Variants in NPC1 observed in about 807,000 individuals in gnomAD.
The protein encoded by NPC1 is Niemann-Pick C1 protein.
Under a neutral mutation model 140.4 loss-of-function variants are expected in NPC1, and 85 were observed. The observed-to-expected ratio is 0.61, with a 90% confidence interval of 0.51 to 0.72. The LOEUF (loss-of-function observed/expected upper bound fraction) is 0.72, where lower values mean the gene tolerates loss of function less well. NPC1 is among the 30% of genes least tolerant of loss of function. The pLI is 0.00. For missense variants in NPC1, 1,504 were observed against 1,623.8 expected (o/e 0.93, Z 1.27); for synonymous variants, 656 against 624.8 (o/e 1.05, Z -0.74).
At chr18:23,522,880 G>GT (rs35822060) in exon 2 of NPC1, 80,269 of 152,094 alleles carry the variant, frequency 0.53, 21,787 homozygotes, top group East Asian at 0.91. Context: ...CTGCCACTGG[G>GT]TGGGCGTGCT....
intron 3 of NPC1, among the ~76,000 whole-genome samples, chr18:23,569,382 G>T (rs998122688): frequency 6.6e-6 from 1 of 152,154 alleles, no homozygotes; most frequent in Non-Finnish European, 1.5e-5. Context: ...GAGTGCAGTG[G>T]TGTGATCACA....
At chr18:23,552,512 T>C (rs532911345) in intron 9 of NPC1, among the ~76,000 whole-genome samples, 23 of 152,294 alleles carry the variant, frequency 1.5e-4, no homozygotes, top group African/African-American at 5.3e-4. Context: ...TGAGCTGTTT[T>C]ACAAAGATAG....
intron 21 of NPC1, 41 bp downstream of exon 21, chr18:23,536,632 C>T: frequency 6.4e-7 from 1 of 1,574,572 alleles, no homozygotes; most frequent in Non-Finnish European, 8.7e-7. Context: ...CAGTGTAGGC[C>T]CTTTGCTGGG....
chr18:23,512,388 A>G (rs2057885764), intron 3 of NPC1, among the ~76,000 whole-genome samples: 2 of 151,960 alleles, frequency 1.3e-5, no homozygotes, highest in African/African-American at 4.8e-5. Context: ...TATATTGTCC[A>G]TTTGTATTTT....
At chr18:23,520,220 A>G, downstream of NPC1, 1 of 1,613,890 alleles carries the variant, frequency 6.2e-7, no homozygotes, top group East Asian at 2.2e-5. Context: ...AATATTCGAT[A>G]TCAAGTTACG....
chr18:23,585,788 T>C (rs531005781), intron 1 of NPC1, among the ~76,000 whole-genome samples: 9 of 152,144 alleles, frequency 5.9e-5, no homozygotes, highest in Non-Finnish European at 1.3e-4. Flanking sequence ...CCTGCCCTCT[T>C]TAGAAGACCA....
intron 1 of NPC1, among the ~76,000 whole-genome samples, chr18:23,523,895 T>C (rs761998326): frequency 1.2e-4 from 18 of 152,330 alleles, no homozygotes; most frequent in Non-Finnish European, 2.2e-4. Flanking sequence ...ACCACAGTGA[T>C]TGAAGCCTTG....
chr18:23,564,616 C>T (rs2059095461), intron 4 of NPC1, among the ~76,000 whole-genome samples: 1 of 152,190 alleles, frequency 6.6e-6, no homozygotes, highest in African/African-American at 2.4e-5. Context: ...AGTCACTGTG[C>T]CCGGCCTTCT....
downstream of NPC1, chr18:23,520,249 C>G: frequency 6.2e-7 from 1 of 1,614,116 alleles, no homozygotes; most frequent in Non-Finnish European, 8.5e-7. Context: ...TTGACGGCTC[C>G]GTTACCTTCC....
At position 23,512,489 on chromosome 18, in the gene NPC1, C is replaced by T. The variant is rs539051571; in HGVS notation, c.432-5847G>A. Reference sequence around the variant, plus strand: ...AGGCTGGAGTACAGTGGCACAATCACGGCTCACTGCAGCCTCGACCTCCTA... The same window carrying T: ...AGGCTGGAGTACAGTGGCACAATCATGGCTCACTGCAGCCTCGACCTCCTA... On this transcript the variant is annotated intron_variant, in intron 3 of 3. Coordinates refer to the NPC1 transcript ENST00000591107. 9.2e-5 allele frequency among the ~76,000 whole-genome samples: 14 copies of T among 152,280 alleles called. No individual in the cohort carries two copies. In the East Asian group the frequency reaches 9.6e-4, roughly 10 times the overall value.
chr18:23,529,013 G>A (rs2058396394), downstream of NPC1: 8 of 1,107,150 alleles, frequency 7.2e-6, no homozygotes, highest in Admixed American at 3.1e-5. Flanking sequence ...CTGAGTAGCT[G>A]GGATTACAGG....
At chr18:23,551,335 G>C (rs142078484) in intron 10 of NPC1, among the ~76,000 whole-genome samples, 1 of 152,150 alleles carries the variant, frequency 6.6e-6, no homozygotes, top group Non-Finnish European at 1.5e-5. Context: ...TGACCTTCAA[G>C]CTGAACAACA....
chr18:23,550,035 TGGCAA>T, intron 10 of NPC1, among the ~76,000 whole-genome samples: 1 of 151,376 alleles, frequency 6.6e-6, no homozygotes, highest in Non-Finnish European at 1.5e-5. Context: ...TTTTTTTTTC[TGGCAA>T]GGTCTCGCTC....
rs2058564932 is a variant in NPC1, at chr18:23,533,132, T to A, written c.3754+223A>T. The A allele has an allele frequency of 1.4e-5, 9 of 632,552 alleles. No individual in the cohort carries two copies. The East Asian group carries it at 3.0e-4, about 21-fold the overall frequency. The allele number at this position is 632,552 out of a possible 1,614,324, so 39.2% of individuals were successfully genotyped here. A position where few individuals can be genotyped will look rare whatever the true frequency, so the allele number is the denominator to read the frequency against. On this transcript the variant is annotated intron_variant, in intron 24 of 24. Coordinates refer to ENST00000269228, the MANE Select transcript of NPC1 (RefSeq NM_000271.5). ...CTTTGTGAAGCAGACAGATCAGGCC[T>A]CCAGAAAAAACATCGACAACTTCCT...
chr18:23,541,146 G>C lies in NPC1; in HGVS notation c.2436C>G (p.Ala812=). ...RGAEDGTSVQ[A]SESCLFRFFK... is the part of the protein sequence containing the mutation. ...AGAAGCGAAACAAACAGCTCTCTGA[G>C]GCCTGGACGCTTGTTCCATCTTCAG... The change falls in exon 16 of 25, where the codon GCC becomes GCG. Residue 812 remains alanine, a synonymous_variant. Transcript: ENST00000269228. 6.2e-7 allele frequency: 1 copy of C among 1,614,178 alleles called. No homozygotes were observed. The highest frequency in any genetic ancestry group is 1.1e-5 in the South Asian group (1 of 91,074).
At chr18:23,564,005 T>TTTTTTG (rs1555639697) in intron 4 of NPC1, among the ~76,000 whole-genome samples, 5 of 148,038 alleles carry the variant, frequency 3.4e-5, no homozygotes, top group African/African-American at 7.7e-5. Flanking sequence ...TTTTTTTTTT[T>TTTTTTG]GGAGATGGAG....
downstream of NPC1, chr18:23,519,132 C>T (rs1381822490): frequency 3.7e-6 from 6 of 1,614,136 alleles, no homozygotes; most frequent in Admixed American, 1.7e-5. Context: ...TTGCCCTGAA[C>T]GTGGTGGACA....
intron 19 of NPC1, 26 bp downstream of exon 19, chr18:23,539,329 G>T: frequency 6.5e-7 from 1 of 1,541,400 alleles, no homozygotes; most frequent in Non-Finnish European, 9.0e-7. Context: ...AGCAAAACAG[G>T]AAAGATTTGG....
chr18:23,556,637 A>T, intron 7 of NPC1, 24 bp from the exon 8 acceptor site: 1 of 1,613,396 alleles, frequency 6.2e-7, no homozygotes, highest in Non-Finnish European at 8.5e-7. Flanking sequence ...AGAGGAAGGG[A>T]AGGTGGAGGT....
Sources: gnomAD v4.1 joint callset for allele counts (sites outside exome capture counted in the v4.1 genomes callset) on GRCh38, gnomAD v4.1.1 for gene constraint, MANE v1.5 for transcripts, NCBI Gene and HGNC (gene_info 2026-07-23, HGNC 2026-07-21) for gene names.